The following LRP4 variants were observed in gnomAD, a reference collection of about 807,000 sequenced individuals.
LRP4 encodes the protein low-density lipoprotein receptor-related protein 4.
Under a neutral mutation model 220.3 loss-of-function variants are expected in LRP4, and 95 were observed. The ratio of observed to expected loss-of-function variants is 0.43; its 90% CI spans 0.37 to 0.51. LRP4 has a LOEUF of 0.51. LRP4 is among the 20% of genes least tolerant of loss of function. The probability of loss-of-function intolerance (pLI) is 0.00; values close to 1 mark genes in which losing one functional copy is unlikely to be tolerated. For missense variants in LRP4, 1,925 were observed against 2,567.0 expected, an observed-to-expected ratio of 0.75 and a Z score of 5.40; for synonymous variants, 903 against 954.6, an observed-to-expected ratio of 0.95 and a Z score of 1.00.
Position 46,879,205 on chromosome 11 carries a change from T to C in LRP4, c.2925A>G (p.Thr975=), listed in dbSNP as rs1324252553. The change falls in exon 21 of 38, where the codon ACA becomes ACG. Residue 975 remains threonine (T), a synonymous_variant. Coordinates refer to ENST00000378623, the MANE Select transcript of LRP4 (RefSeq NM_002334.4). ...CCTGCAGAGTCTCCCGGTCCAGCCC[T>C]GTCAGCCGGTCAGCGCTCTGTATGC... ...TKSIQSADRL[T]GLDRETLQEN... 6 of 1,614,264 alleles carry C rather than the reference T, an allele frequency of 3.7e-6. No individual in the cohort carries two copies. Among genetic ancestry groups the C allele is most frequent in the Non-Finnish European group, 4.2e-6 (5 of 1,180,056 alleles).
intron 31 of LRP4, 108 bp from the exon 32 acceptor site, chr11:46,869,240 CTCT>C: frequency 1.0e-6 from 1 of 979,704 alleles, no homozygotes; most frequent in Non-Finnish European, 1.6e-6. Context: ...CTGAAATGCC[CTCT>C]TCATCTCTTC....
chr11:46,889,264 C>A, intron 16 of LRP4, 147 bp downstream of exon 16: 1 of 1,106,590 alleles, frequency 9.0e-7, no homozygotes, highest in Non-Finnish European at 1.3e-6. Context: ...TAGAAGATCC[C>A]TCAGCCTCTT....
chr11:46,914,920 C>T (rs944010147), intron 1 of LRP4, among the ~76,000 whole-genome samples: 1 of 152,024 alleles, frequency 6.6e-6, no homozygotes, highest in East Asian at 1.9e-4. Context: ...GGCAGTTAAT[C>T]GGTAGAAAGA....
rs751449110 is a variant in LRP4, at chr11:46,875,520, G to T, written c.3861C>A (p.Ile1287=). 22 of 1,614,132 alleles carry T rather than the reference G, an allele frequency of 1.4e-5. No individual in the cohort carries two copies. The highest frequency in any genetic ancestry group is 1.6e-4 in the Middle Eastern group (1 of 6,062). ...RADKGTGSNV[I]LVRSNLPGLM... is the part of the protein sequence containing the mutation. The stretch of plus-strand genomic sequence containing the variant: ...GGCCTGGCAGGTTGGACCTCACGAG[G>T]ATGACATTGCTGCCAGTACCCTTGT... The change falls in exon 27 of 38, where the codon ATC becomes ATA. Residue 1287 remains isoleucine (I), a synonymous_variant. Coordinates refer to ENST00000378623, the MANE Select transcript of LRP4 (RefSeq NM_002334.4). The surrounding 1 kb of genome is among the most constrained non-coding windows in gnomAD (Gnocchi z 4.5).
intron 1 of LRP4, among the ~76,000 whole-genome samples, chr11:46,909,281 C>T (rs1315894980): frequency 1.3e-5 from 2 of 151,812 alleles, no homozygotes; most frequent in Non-Finnish European, 2.9e-5. Context: ...GGTGGCTACC[C>T]CAGTGTGGAA....
chr11:46,876,401 AC>A (rs1350277543), intron 25 of LRP4, 64 bp downstream of exon 25: 1 of 1,595,564 alleles, frequency 6.3e-7, no homozygotes, highest in Non-Finnish European at 8.6e-7. Context: ...ACCCACCTTT[AC>A]CCCGTCATAA....
intron 6 of LRP4, 45 bp downstream of exon 6, chr11:46,898,859 T>A: frequency 6.2e-7 from 1 of 1,613,398 alleles, no homozygotes; most frequent in Non-Finnish European, 8.5e-7. Context: ...CAAGCAGTTC[T>A]TCCCAGCCTG....
intron 25 of LRP4, 37 bp downstream of exon 25, chr11:46,876,429 C>G (rs780578232): frequency 6.2e-7 from 1 of 1,612,272 alleles, no homozygotes; most frequent in South Asian, 1.1e-5. Flanking sequence ...CTGAGCTGGC[C>G]CCCCACACTA....
At position 46,863,790 on chromosome 11, in the gene LRP4, A is replaced by G. The variant is rs796101952; in HGVS notation, c.5243+658T>C. On this transcript the variant is annotated intron_variant, in intron 36 of 37. Coordinates refer to ENST00000378623, the MANE Select transcript of LRP4 (RefSeq NM_002334.4). ...ATAAGACAAAAATTAAAAAAAATAA[A>G]CTTTCTGAGCCTCAGATCCTCATCT... Among the ~76,000 whole-genome samples the G allele has an allele frequency of 2.6e-5, 4 of 151,764 alleles. No individual in the cohort carries two copies. In the South Asian group the frequency reaches 8.4e-4, roughly 32 times the overall value.
At chr11:46,902,688 C>T in intron 2 of LRP4, 95 bp downstream of exon 2, 5 of 1,439,452 alleles carry the variant, frequency 3.5e-6, no homozygotes, top group Non-Finnish European at 3.9e-6. Context: ...GAGTCCGACA[C>T]AGTTGATGCA....
chr11:46,859,799 T>A, intron 37 of LRP4, among the ~76,000 whole-genome samples: 1 of 152,236 alleles, frequency 6.6e-6, no homozygotes, highest in East Asian at 1.9e-4. Flanking sequence ...CATGCTGATA[T>A]AAATCATCAA....
At chr11:46,891,052 C>T (rs993221833) in intron 13 of LRP4, among the ~76,000 whole-genome samples, 1 of 152,074 alleles carries the variant, frequency 6.6e-6, no homozygotes, top group Non-Finnish European at 1.5e-5. Flanking sequence ...ACAGAATTGA[C>T]AATATAATGT....
At chr11:46,869,156 A>G (rs1415459099) in intron 31 of LRP4, 24 bp from the exon 32 acceptor site, 6 of 1,611,256 alleles carry the variant, frequency 3.7e-6, no homozygotes, top group Non-Finnish European at 4.2e-6. Context: ...GAAGCCCAAA[A>G]ACAGTAAATA....
intron 31 of LRP4, among the ~76,000 whole-genome samples, chr11:46,869,789 C>T (rs1940810802): frequency 6.6e-6 from 1 of 152,104 alleles, no homozygotes; most frequent in African/African-American, 2.4e-5. Flanking sequence ...AAAAAAAAGA[C>T]TATCATTAAG....
intron 1 of LRP4, among the ~76,000 whole-genome samples, 183 bp from the exon 2 acceptor site, chr11:46,903,112 C>A (rs893316888): frequency 6.6e-6 from 1 of 152,170 alleles, no homozygotes; most frequent in African/African-American, 2.4e-5. Context: ...CCAGCAGATA[C>A]CCTCTGACTT....
chr11:46,871,456 T>C, intron 31 of LRP4, 69 bp downstream of exon 31: 1 of 1,077,128 alleles, frequency 9.3e-7, no homozygotes. Context: ...TAGCTGAGAC[T>C]GCTGACTTAG....
At chr11:46,870,093 G>A (rs183409427) in intron 31 of LRP4, among the ~76,000 whole-genome samples, 264 of 143,644 alleles carry the variant, frequency 1.8e-3, no homozygotes, top group African/African-American at 6.5e-3. Context: ...GTGACAGAGC[G>A]AGACTCCATC....
intron 13 of LRP4, among the ~76,000 whole-genome samples, chr11:46,891,735 C>T (rs1033822631): frequency 1.4e-4 from 21 of 152,190 alleles, no homozygotes; most frequent in African/African-American, 5.1e-4. Context: ...CCTACCTCAG[C>T]CTCCTGTGTA....
In LRP4 at chr11:46,875,860, C is replaced by T. The variant is rs746377167; in HGVS notation, c.3643G>A (p.Gly1215Arg). 2 of 1,614,032 alleles carry T rather than the reference C, an allele frequency of 1.2e-6. No homozygotes were observed. The highest frequency in any genetic ancestry group is 1.7e-6 in the Non-Finnish European group (2 of 1,180,024). The part of the protein sequence containing the change: ...LINNNLGWPN[G>R]LTVDKASSQL... Reference sequence around the variant, plus strand: ...GAGCTGGCCTTGTCCACAGTCAGTCCATTGGGCCATCCTAGGTTGTTGTTG... The same window carrying T: ...GAGCTGGCCTTGTCCACAGTCAGTCTATTGGGCCATCCTAGGTTGTTGTTG... The change falls in exon 26 of 38, where the codon GGA (glycine) becomes AGA (arginine). Residue 1215 changes from glycine to arginine, a missense_variant. Transcript: ENST00000378623. This position sits in a 1 kb window ranked among gnomAD's most constrained non-coding sequence, Gnocchi z 4.5.
Sources: allele counts gnomAD v4.1 joint callset (sites outside exome capture counted in the v4.1 genomes callset), GRCh38; gene constraint gnomAD v4.1.1; non-coding constraint Gnocchi (gnomAD v3.1); transcripts MANE v1.5; gene names NCBI Gene and HGNC (gene_info 2026-07-23, HGNC 2026-07-21).